PGC: variants seen among roughly 807,000 people sequenced by gnomAD.
PGC encodes the protein gastricsin.
PGC carries 31 observed loss-of-function variants against 45.9 expected under a neutral mutation model. The ratio of observed to expected loss-of-function variants is 0.67; its 90% CI spans 0.51 to 0.91. PGC has a LOEUF of 0.91. Ranked by LOEUF, PGC falls within the 40% of genes least tolerant of loss-of-function variation. The pLI is 0.00. For missense variants in PGC, 477 were observed against 493.2 expected (o/e 0.97, Z 0.31); for synonymous variants, 192 against 201.8 (o/e 0.95, Z 0.41).
chr6:41,737,228 C>T (rs1455744102), intron 8 of PGC, among the ~76,000 whole-genome samples: 1 of 152,192 alleles, frequency 6.6e-6, no homozygotes, highest in Non-Finnish European at 1.5e-5. Context: ...TCTCCTCTCC[C>T]CATGATGGGA....
Position 41,740,590 on chromosome 6 carries a change from C to T in PGC, c.668G>A (p.Gly223Glu). The T allele has an allele frequency of 6.2e-7, 1 of 1,601,518 alleles. No homozygotes were observed. Among genetic ancestry groups the T allele is most frequent in the Non-Finnish European group, 8.5e-7 (1 of 1,174,326 alleles). ...YLSNQQGSSG[G>E]AVVFGGVDSS... is the part of the protein sequence containing the mutation. ...ATCCACACCCCCAAAGACAACCGCT[C>T]CCCCGCTGGAGCCCTGCTGGCTGCA... is the stretch of plus-strand genomic sequence containing the variant. The change falls in exon 6 of 9, where the codon GGA (glycine) becomes GAA (glutamate). Residue 223 changes from glycine to glutamate, a missense_variant. By Grantham distance (98) the Gly-to-Glu change is moderately conservative. Transcript: ENST00000373025.
intron 7 of PGC, among the ~76,000 whole-genome samples, chr6:41,738,203 C>CATATATAT (rs10595601): frequency 1.8e-4 from 2 of 10,868 alleles, no homozygotes; most frequent in Non-Finnish European, 9.7e-4. Context: ...TATATATATG[C>CATATATAT]ATATATATAT....
At position 41,742,303 on chromosome 6, in the gene PGC, C is replaced by A; in HGVS notation, c.634G>T (p.Val212Phe). Residue 212 changes from valine (V) to phenylalanine (F), a missense_variant, in exon 5 of 9, where the codon GTC becomes TTC. Coordinates refer to ENST00000373025, the MANE Select transcript of PGC (RefSeq NM_002630.4). ...EGALTSPVFSVYLSNQQGSSG... is the reference protein window; with the variant it reads ...EGALTSPVFSFYLSNQQGSSG... ...CTGGTTGCTCACTTGCTGAGGTAGA[C>A]GCTGAAGACGGGGCTGGTGAGGGCG... 3 of 1,613,894 alleles carry A rather than the reference C, an allele frequency of 1.9e-6. No homozygotes were observed. In the South Asian group the frequency reaches 3.3e-5, roughly 18 times the overall value.
chr6:41,746,222 C>T (rs1339695287), intron 1 of PGC, among the ~76,000 whole-genome samples: 2 of 152,054 alleles, frequency 1.3e-5, no homozygotes, highest in East Asian at 1.9e-4. Context: ...TTCCTTTCTA[C>T]GGCAGCCCTC....
chr6:41,742,291 T>C lies in PGC; in HGVS notation c.646A>G (p.Asn216Asp), dbSNP rs745940947. Reference protein sequence around the residue: ...TSPVFSVYLSNQQGSSGGAVV... With the variant: ...TSPVFSVYLSDQQGSSGGAVV... Reference sequence around the variant, plus strand: ...GGGACTGGCCAGCTGGTTGCTCACTTGCTGAGGTAGACGCTGAAGACGGGG... The same window carrying C: ...GGGACTGGCCAGCTGGTTGCTCACTCGCTGAGGTAGACGCTGAAGACGGGG... Residue 216 changes from asparagine to aspartate, a missense_variant and splice_region_variant, in exon 5 of 9, where the codon AAC (asparagine) becomes GAC (aspartate). Transcript: ENST00000373025. 1.2e-6 allele frequency: 2 copies of C among 1,613,384 alleles called. No homozygotes were observed. Among genetic ancestry groups the C allele is most frequent in the South Asian group, 2.2e-5 (2 of 91,074 alleles).
intron 1 of PGC, among the ~76,000 whole-genome samples, chr6:41,745,429 A>G (rs976949718): frequency 2.8e-4 from 43 of 151,884 alleles, no homozygotes; most frequent in Non-Finnish European, 4.3e-4. Context: ...TAGCAGAGAC[A>G]GGGTTTCACT....
At chr6:41,740,717 G>C in intron 5 of PGC, 107 bp from the exon 6 acceptor site, 1 of 1,485,568 alleles carries the variant, frequency 6.7e-7, no homozygotes, top group Non-Finnish European at 8.9e-7. Flanking sequence ...TGATCCAGAC[G>C]GGGGCTCCCT....
chr6:41,737,154 G>A (rs529150780), intron 8 of PGC, 150 bp from the exon 9 acceptor site: 1 of 714,420 alleles, frequency 1.4e-6, no homozygotes, highest in Admixed American at 3.0e-5. Flanking sequence ...TGAGCCACCA[G>A]AGCAGAGCGG....
At position 41,736,717 on chromosome 6, in the gene PGC, A is replaced by G; in HGVS notation, c.*135T>C. ...AACAACAGGATGACCAACATAAAGA[A>G]GAACTATTTATTATTAGAGAAAGTC... On this transcript the variant is annotated 3_prime_UTR_variant, in exon 9 of 9. Transcript: ENST00000373025. The G allele has an allele frequency of 1.0e-6, 1 of 960,810 alleles. No homozygotes were observed. The highest frequency in any genetic ancestry group is 1.8e-5 in the Admixed American group (1 of 54,514). 59.5% of individuals were successfully genotyped at this position (960,810 alleles called of 1,614,324 possible).
At position 41,738,153 on chromosome 6, in the gene PGC, T is replaced by TAC. The variant is rs1561879624; in HGVS notation, c.916-326_916-325insGT. Among the ~76,000 whole-genome samples, 90 of 42,202 alleles carry TAC rather than the reference T, an allele frequency of 2.1e-3. 8 individuals are homozygous for TAC. The highest frequency in any genetic ancestry group is 6.4e-3 in the African/African-American group (87 of 13,586). 27.7% of individuals were successfully genotyped at this position (42,202 alleles called of 152,430 possible). A position where few individuals can be genotyped will look rare whatever the true frequency, so the allele number is the denominator to read the frequency against. Reference sequence around the variant, plus strand: ...ATATGCATATATATATGCATATATATATACATATATATGCATATATATATA... The same window carrying TAC: ...ATATGCATATATATATGCATATATATACATACATATATATGCATATATATATA... On this transcript the variant is annotated intron_variant, in intron 7 of 8. Transcript: ENST00000373025.
At position 41,737,764 on chromosome 6, in the gene PGC, T is replaced by A; in HGVS notation, c.980A>T (p.Glu327Val). The A allele has an allele frequency of 6.2e-7, 1 of 1,611,672 alleles. No individual in the cohort carries two copies. The highest frequency in any genetic ancestry group is 8.5e-7 in the Non-Finnish European group (1 of 1,177,882). The change falls in exon 8 of 9, where the codon GAG (glutamate) becomes GTG (valine). Residue 327 changes from glutamate (E) to valine (V), a missense_variant. Physicochemically the swap from Glu to Val is moderately radical, Grantham distance 121. Coordinates refer to ENST00000373025, the MANE Select transcript of PGC (RefSeq NM_002630.4). ...ATAGGAGGAAGGTGGCAGAGGGAACTCCACACCATTGATGATGAAGGTCAA... is the reference window on the plus strand; with the variant it reads ...ATAGGAGGAAGGTGGCAGAGGGAACACCACACCATTGATGATGAAGGTCAA... ...PSLTFIINGV[E>V]FPLPPSSYIL...
intron 4 of PGC, 109 bp from the exon 5 acceptor site, chr6:41,742,598 C>A: frequency 1.3e-6 from 1 of 780,414 alleles, no homozygotes; most frequent in Admixed American, 2.2e-5. Context: ...CACCTCTGCC[C>A]CCTTCTTTTT....
In PGC at chr6:41,742,358, G is replaced by A. The variant is rs750512975; in HGVS notation, c.579C>T (p.Thr193=). The change falls in exon 5 of 9, where the codon ACC becomes ACT. Residue 193 remains threonine, a synonymous_variant. Coordinates refer to ENST00000373025, the MANE Select transcript of PGC (RefSeq NM_002630.4). Reference sequence around the variant, plus strand: ...CCTGCACCATGCCCTGCATAGCTGTGGTGGCCTCATCCACGGACAGAGCAG... The same window carrying A: ...CCTGCACCATGCCCTGCATAGCTGTAGTGGCCTCATCCACGGACAGAGCAG... ...AYPALSVDEA[T]TAMQGMVQEG... 2.5e-6 allele frequency: 4 copies of A among 1,614,140 alleles called. No individual in the cohort carries two copies. In the South Asian group the frequency reaches 4.4e-5, roughly 18 times the overall value.
intron 6 of PGC, among the ~76,000 whole-genome samples, chr6:41,740,163 A>G (rs941910221): frequency 6.6e-6 from 1 of 152,236 alleles, no homozygotes; most frequent in Non-Finnish European, 1.5e-5. Context: ...AACCAGGTCC[A>G]CTGATTCATT....
intron 5 of PGC, chr6:41,740,859 C>G: frequency 1.4e-6 from 2 of 1,431,426 alleles, no homozygotes; most frequent in Non-Finnish European, 1.8e-6. Context: ...CTGTGTCTCC[C>G]TCAGACTGGG....
At chr6:41,743,481 T>TC in intron 3 of PGC, 92 bp from the exon 4 acceptor site, 1 of 814,450 alleles carries the variant, frequency 1.2e-6, no homozygotes, top group Non-Finnish European at 2.2e-6. Flanking sequence ...AGCCTCTCGC[T>TC]CAGGCTGCGC....
intron 5 of PGC, chr6:41,740,926 C>A: frequency 6.8e-7 from 1 of 1,469,946 alleles, no homozygotes; most frequent in Non-Finnish European, 9.0e-7. Flanking sequence ...GACTGGGATG[C>A]GTCCCTTAGA....
chr6:41,741,295 G>A, intron 5 of PGC: 1 of 1,343,612 alleles, frequency 7.4e-7, no homozygotes, highest in East Asian at 2.6e-5. Flanking sequence ...AACAGGGTGA[G>A]GTCCTTGAAC....
Position 41,744,448 on chromosome 6 carries a change from C to T in PGC, c.277G>A (p.Gly93Ser), listed in dbSNP as rs531970409. 9 of 1,613,526 alleles carry T rather than the reference C, an allele frequency of 5.6e-6. No homozygotes were observed. Among genetic ancestry groups the T allele is most frequent in the African/African-American group, 4.0e-5 (3 of 74,998 alleles). Residue 93 changes from glycine to serine, a missense_variant, in exon 3 of 9, where the codon GGC becomes AGC. By Grantham distance (56) the Gly-to-Ser change is moderately conservative. Transcript: ENST00000373025. This position sits in a 1 kb window ranked among gnomAD's most constrained non-coding sequence, Gnocchi z 4.4. ...GAGGGCACCCACAAGTTGGAGGAGCCGGTGTCAAAAAGGACCAGGAAGTTC... is the reference window on the plus strand; with the variant it reads ...GAGGGCACCCACAAGTTGGAGGAGCTGGTGTCAAAAAGGACCAGGAAGTTC... Reference protein sequence around the residue: ...PQNFLVLFDTGSSNLWVPSVY... With the variant: ...PQNFLVLFDTSSSNLWVPSVY...
Sources: allele counts gnomAD v4.1 joint callset (sites outside exome capture counted in the v4.1 genomes callset), GRCh38; gene constraint gnomAD v4.1.1; non-coding constraint Gnocchi (gnomAD v3.1); transcripts MANE v1.5; gene names NCBI Gene and HGNC (gene_info 2026-07-23, HGNC 2026-07-21).